Variants in TACR3 observed in about 807,000 individuals in gnomAD.
TACR3 encodes the protein tachykinin receptor 3, also known as neuromedin-K receptor.
In TACR3, 34 loss-of-function variants were observed where a neutral mutation model predicts 35.0. That is an observed-to-expected ratio of 0.97 (90% CI 0.74 to 1.30). TACR3 has a LOEUF of 1.30. Among genes scored for constraint, TACR3 ranks in the 50% most tolerant of loss-of-function variants. TACR3 has a pLI of 0.00. For synonymous variants in TACR3, 233 were observed against 221.1 expected (o/e 1.05, Z -0.48); for missense variants, 558 against 591.7 (o/e 0.94, Z 0.59).
chr4:103,606,719 G>T (rs1276340187), intron 3 of TACR3, among the ~76,000 whole-genome samples: 3 of 152,004 alleles, frequency 2.0e-5, no homozygotes, highest in African/African-American at 7.3e-5. Flanking sequence ...AGGAGATTTT[G>T]GGCTGAGACA....
intron 3 of TACR3, among the ~76,000 whole-genome samples, chr4:103,597,929 T>G (rs1426658359): frequency 3.3e-5 from 5 of 152,216 alleles, no homozygotes; most frequent in Admixed American, 2.0e-4. Context: ...GCATGTGTCT[T>G]TATAACAGCA....
intron 3 of TACR3, among the ~76,000 whole-genome samples, chr4:103,642,448 T>C (rs1725374999): frequency 6.6e-6 from 1 of 151,810 alleles, no homozygotes; most frequent in African/African-American, 2.4e-5. Flanking sequence ...AAACGTGGTA[T>C]ATCCACAAGA....
rs183265887 is a variant in TACR3, at chr4:103,707,326, A to T, written c.548+11802T>A. Among the ~76,000 whole-genome samples, 820 of 152,326 alleles carry T rather than the reference A, an allele frequency of 5.4e-3. 28 individuals carry two copies. The highest frequency in any genetic ancestry group is 0.049 in the Admixed American group (750 of 15,292). Reference sequence around the variant, plus strand: ...GACATATTTGAAGTTTAACTTTTATAAGAAATTAAGACTGTTTGACCCCAA... The same window carrying T: ...GACATATTTGAAGTTTAACTTTTATTAGAAATTAAGACTGTTTGACCCCAA... On this transcript the variant is annotated intron_variant, in intron 1 of 4. Coordinates refer to ENST00000304883, the MANE Select transcript of TACR3 (RefSeq NM_001059.3).
At position 103,662,217 on chromosome 4, in the gene TACR3, G is replaced by GGTTTTT. The variant is rs1553972885; in HGVS notation, c.549-3815_549-3814insAAAAAC. ...TGTGAAAAACTCCTATGTTGATGGT[G>GGTTTTT]TTTTTTTTTTTTTTTTTTTTGAGAC... On this transcript the variant is annotated intron_variant, in intron 1 of 4. Coordinates refer to ENST00000304883, the MANE Select transcript of TACR3 (RefSeq NM_001059.3). Among the ~76,000 whole-genome samples the GGTTTTT allele has an allele frequency of 4.6e-5, 4 of 86,270 alleles. 2 individuals are homozygous for GGTTTTT. The highest frequency in any genetic ancestry group is 1.0e-4 in the African/African-American group (2 of 19,560). 56.6% of individuals were successfully genotyped at this position (86,270 alleles called of 152,430 possible).
intron 3 of TACR3, among the ~76,000 whole-genome samples, chr4:103,643,523 G>A (rs773345384): frequency 6.6e-6 from 1 of 151,560 alleles, no homozygotes; most frequent in African/African-American, 2.4e-5. Flanking sequence ...CAGTTGTTTT[G>A]CATTCTGTAG....
chr4:103,632,844 C>T (rs1324719138), intron 3 of TACR3, among the ~76,000 whole-genome samples: 1 of 151,858 alleles, frequency 6.6e-6, no homozygotes, highest in Non-Finnish European at 1.5e-5. Flanking sequence ...CTAACAGTGC[C>T]TTGTAAATGT....
intron 1 of TACR3, among the ~76,000 whole-genome samples, chr4:103,708,607 C>T (rs1169431796): frequency 1.3e-5 from 2 of 152,212 alleles, no homozygotes; most frequent in Admixed American, 6.5e-5. Context: ...ACCTCTCCCC[C>T]TCCAAAGGAA....
At chr4:103,693,704 C>T (rs1281466245) in intron 1 of TACR3, among the ~76,000 whole-genome samples, 1 of 151,850 alleles carries the variant, frequency 6.6e-6, no homozygotes, top group African/African-American at 2.4e-5. Context: ...TAAAGGTTTG[C>T]TTTATCATCT....
At chr4:103,700,215 A>G (rs1201789414) in intron 1 of TACR3, among the ~76,000 whole-genome samples, 2 of 152,188 alleles carry the variant, frequency 1.3e-5, no homozygotes, top group Admixed American at 1.3e-4. Flanking sequence ...CTATCAAAGT[A>G]GTATCATCGA....
intron 1 of TACR3, among the ~76,000 whole-genome samples, chr4:103,674,868 C>T (rs1422374740): frequency 6.6e-6 from 1 of 152,136 alleles, no homozygotes; most frequent in East Asian, 1.9e-4. Flanking sequence ...TTAATTGGTA[C>T]TGCAAGGCAT....
At chr4:103,672,492 A>C (rs78907515) in intron 1 of TACR3, among the ~76,000 whole-genome samples, 6,462 of 152,260 alleles carry the variant, frequency 0.042, 160 homozygotes, top group Non-Finnish European at 0.049. Flanking sequence ...TACTAGGTGC[A>C]TTGCCAATGA....
intron 1 of TACR3, among the ~76,000 whole-genome samples, chr4:103,697,996 C>T (rs1454381048): frequency 1.3e-5 from 2 of 152,030 alleles, no homozygotes; most frequent in Admixed American, 1.3e-4. Flanking sequence ...ATATTGCATT[C>T]TGTTATTTTA....
At chr4:103,593,383 G>GA (rs1316253077) in intron 3 of TACR3, 1 of 151,784 alleles carries the variant, frequency 6.6e-6, no homozygotes, top group African/African-American at 2.4e-5. Context: ...ACAATGTAAT[G>GA]AAAAAAAGGA....
chr4:103,598,376 G>T (rs1724094353), intron 3 of TACR3, among the ~76,000 whole-genome samples: 1 of 152,152 alleles, frequency 6.6e-6, no homozygotes, highest in Admixed American at 6.6e-5. Context: ...TAAGTAGGTT[G>T]CAAAAACTTT....
chr4:103,662,302 C>A (rs1412293274), intron 1 of TACR3, among the ~76,000 whole-genome samples: 1 of 150,126 alleles, frequency 6.7e-6, no homozygotes, highest in Non-Finnish European at 1.5e-5. Context: ...CTCACTGCAA[C>A]CTCCACCTCC....
At chr4:103,672,670 A>AT (rs1037592523) in intron 1 of TACR3, among the ~76,000 whole-genome samples, 1 of 152,118 alleles carries the variant, frequency 6.6e-6, no homozygotes, top group African/African-American at 2.4e-5. Flanking sequence ...GGGCCCTAGG[A>AT]TTTTTGGAAT....
At chr4:103,700,533 C>T (rs1237157148) in intron 1 of TACR3, among the ~76,000 whole-genome samples, 4 of 152,162 alleles carry the variant, frequency 2.6e-5, no homozygotes, top group African/African-American at 9.7e-5. Context: ...TCCCTGTAGC[C>T]TTCAGGCAGG....
intron 3 of TACR3, among the ~76,000 whole-genome samples, chr4:103,604,356 G>T (rs1724295200): frequency 6.6e-6 from 1 of 152,110 alleles, no homozygotes; most frequent in South Asian, 2.1e-4. Context: ...ACTGAAACTG[G>T]ATCCCTTCCT....
At chr4:103,645,245 A>G (rs1725433694) in intron 3 of TACR3, among the ~76,000 whole-genome samples, 1 of 151,934 alleles carries the variant, frequency 6.6e-6, no homozygotes, top group African/African-American at 2.4e-5. Context: ...AAGGAAGACA[A>G]TTGGTAAGCA....
Sources: allele counts gnomAD v4.1 joint callset (sites outside exome capture counted in the v4.1 genomes callset), GRCh38; gene constraint gnomAD v4.1.1; transcripts MANE v1.5; gene names NCBI Gene and HGNC (gene_info 2026-07-23, HGNC 2026-07-21).